Variants in ATRX observed in about 807,000 individuals in gnomAD.
ATRX encodes chromatin remodeler ATRX.
A neutral mutation model predicts 172.6 loss-of-function variants in ATRX; 12 were observed. The observed-to-expected ratio is 0.07, with a 90% CI of 0.04 to 0.11. The LOEUF (loss-of-function observed/expected upper bound fraction) is 0.11, where lower values mean the gene tolerates loss of function less well. ATRX is among the 10% of genes least tolerant of loss of function. The pLI is 1.00. For synonymous variants in ATRX, 674 were observed against 594.7 expected (o/e 1.13, Z -1.94); for missense variants, 1,368 against 1,767.4 (o/e 0.77, Z 4.05).
At chrX:77,529,497 C>T (rs1259008777) in intron 30 of ATRX, among the ~76,000 whole-genome samples, 6 of 111,069 alleles carry the variant, frequency 5.4e-5, no homozygotes, top group African/African-American at 1.6e-4. Flanking sequence ...GATTAGGGGC[C>T]AATATTCAAC....
At chrX:77,784,736 T>C (rs2076676413) in intron 1 of ATRX, among the ~76,000 whole-genome samples, 1 of 111,891 alleles carries the variant, frequency 8.9e-6, no homozygotes, top group African/African-American at 3.2e-5. Context: ...GAAAATATAA[T>C]CTACTGCTTG....
intron 10 of ATRX, among the ~76,000 whole-genome samples, chrX:77,670,336 C>A (rs1165013990): frequency 9.0e-6 from 1 of 111,442 alleles, no homozygotes; most frequent in African/African-American, 3.3e-5. Flanking sequence ...AAGCATCACA[C>A]CATATTTTAA....
intron 7 of ATRX, among the ~76,000 whole-genome samples, chrX:77,687,749 G>A (rs1557144770): frequency 8.9e-6 from 1 of 111,982 alleles, no homozygotes; most frequent in African/African-American, 3.2e-5. Context: ...AAAGAACAAA[G>A]TACAGTTCAT....
At chrX:77,653,014 AAAAAAAAGAAAAAAAG>A (rs797028470) in intron 14 of ATRX, among the ~76,000 whole-genome samples, 23 of 109,236 alleles carry the variant, frequency 2.1e-4, no homozygotes, top group South Asian at 1.2e-3. Context: ...TAAAAAAAAA[AAAAAAAAGAAAAAAAG>A]AAAAAAAGAA....
chrX:77,615,914 G>A, intron 22 of ATRX: 1 of 734,366 alleles, frequency 1.4e-6, no homozygotes, highest in Non-Finnish European at 1.6e-6. Context: ...TTGGGGAAAG[G>A]TACCAGAATA....
Position 77,599,560 on chromosome X carries a change from T to G in ATRX, c.5807A>C (p.Lys1936Thr). The change falls in exon 25 of 35, where the codon AAG becomes ACG. Residue 1936 changes from lysine (K) to threonine (T), a missense_variant. Lys to Thr is a moderately conservative substitution (Grantham distance 78). Around this residue, in one of 17 missense-constraint regions of ATRX, gnomAD observed 17 missense variants for 17.7 expected, o/e 0.96. Coordinates refer to ENST00000373344, the MANE Select transcript of ATRX (RefSeq NM_000489.6). ...ACTTGAGCTACTATCTTTTTTCCCCTTTTTCCCTTTTTTCTTCTTTCTAAA... is the reference window on the plus strand; with the variant it reads ...ACTTGAGCTACTATCTTTTTTCCCCGTTTTCCCTTTTTTCTTCTTTCTAAA... Reference protein sequence around the residue: ...DYTKKKKKGKKGKKDSSSSGS... With the variant: ...DYTKKKKKGKTGKKDSSSSGS... The G allele has an allele frequency of 1.7e-6, 2 of 1,208,694 alleles. No individual in the cohort carries two copies. Among genetic ancestry groups the G allele is most frequent in the Non-Finnish European group, 2.2e-6 (2 of 894,132 alleles).
intron 1 of ATRX, among the ~76,000 whole-genome samples, chrX:77,722,467 C>T (rs2073824099): frequency 9.0e-6 from 1 of 111,144 alleles, no homozygotes; most frequent in African/African-American, 3.3e-5. Flanking sequence ...TATCCAGAAT[C>T]TACAAAGAAC....
intron 28 of ATRX, among the ~76,000 whole-genome samples, chrX:77,570,781 G>A (rs2065383077): frequency 9.0e-6 from 1 of 111,245 alleles, no homozygotes; most frequent in South Asian, 3.8e-4. Flanking sequence ...GCCATAAACT[G>A]GCAGGAAGTA....
At chrX:77,641,458 G>A (rs1354133486) in intron 15 of ATRX, among the ~76,000 whole-genome samples, 1 of 109,559 alleles carries the variant, frequency 9.1e-6, no homozygotes, top group Non-Finnish European at 1.9e-5. Flanking sequence ...GCACACGCCT[G>A]TAGTCCCAGC....
At chrX:77,722,062 C>G (rs1321165226) in intron 1 of ATRX, among the ~76,000 whole-genome samples, 1 of 111,701 alleles carries the variant, frequency 9.0e-6, no homozygotes, top group Non-Finnish European at 1.9e-5. Context: ...CTGACAAAAA[C>G]AAGCAATGGA....
intron 11 of ATRX, among the ~76,000 whole-genome samples, chrX:77,664,050 A>C (rs1259512916): frequency 9.2e-6 from 1 of 108,509 alleles, no homozygotes; most frequent in Non-Finnish European, 1.9e-5. Flanking sequence ...GCAGTGAGCC[A>C]AAATTGCGCT....
intron 1 of ATRX, among the ~76,000 whole-genome samples, chrX:77,757,922 G>A (rs1454186442): frequency 9.2e-6 from 1 of 108,562 alleles, no homozygotes; most frequent in Non-Finnish European, 1.9e-5. Flanking sequence ...CACCTGCCTC[G>A]GCCTCCCAAT....
intron 2 of ATRX, among the ~76,000 whole-genome samples, chrX:77,704,588 G>C: frequency 8.9e-6 from 1 of 112,080 alleles, no homozygotes; most frequent in Middle Eastern, 4.6e-3. Context: ...AGATGCAAGG[G>C]GGCACCTGCA....
At chrX:77,572,736 G>A (rs781918459) in intron 28 of ATRX, among the ~76,000 whole-genome samples, 1 of 111,456 alleles carries the variant, frequency 9.0e-6, no homozygotes, top group African/African-American at 3.2e-5. Flanking sequence ...GAAAAACACA[G>A]AATATAAAAA....
rs782637739 is a variant in ATRX at position 77,697,436 on chromosome X, A to G, written c.242+147T>C. The G allele has an allele frequency of 1.9e-4, 91 of 487,146 alleles. 1 individual carries two copies. The South Asian group carries it at 3.2e-3, about 17-fold the overall frequency. 40.1% of individuals were successfully genotyped at this position (487,146 alleles called of 1,213,427 possible). On this transcript the variant is annotated intron_variant, in intron 4 of 34. Transcript: ENST00000373344. ...TAGATACAAAGGGATTCATTATATTATGCTAATCATTTTCAAATATGTATA... is the reference window on the plus strand; with the variant it reads ...TAGATACAAAGGGATTCATTATATTGTGCTAATCATTTTCAAATATGTATA...
chrX:77,649,079 G>A (rs1557115385), intron 15 of ATRX, among the ~76,000 whole-genome samples: 3 of 110,453 alleles, frequency 2.7e-5, no homozygotes. Flanking sequence ...CAAGAGGATT[G>A]CTTGAGCCCA....
intron 2 of ATRX, among the ~76,000 whole-genome samples, chrX:77,702,967 T>A (rs188332707): frequency 8.9e-4 from 99 of 111,780 alleles, no homozygotes; most frequent in Admixed American, 1.5e-3. Context: ...CCTCAAGTAA[T>A]CCTCCCACCT....
intron 34 of ATRX, among the ~76,000 whole-genome samples, chrX:77,520,228 G>A (rs1271696136): frequency 9.0e-6 from 1 of 111,292 alleles, no homozygotes; most frequent in African/African-American, 3.3e-5. Flanking sequence ...GAATGAATAA[G>A]ATCTAGTATT....
At chrX:77,658,104 G>A (rs782686705) in intron 12 of ATRX, among the ~76,000 whole-genome samples, 1 of 111,015 alleles carries the variant, frequency 9.0e-6, no homozygotes, top group African/African-American at 3.3e-5. Flanking sequence ...CCAGCTACTT[G>A]GGAGGCTGAG....
Sources: gnomAD v4.1 joint callset for allele counts (sites outside exome capture counted in the v4.1 genomes callset) on GRCh38, gnomAD v4.1.1 for gene constraint, gnomAD v4.1.1 regional missense constraint, MANE v1.5 for transcripts, NCBI Gene and HGNC (gene_info 2026-07-23, HGNC 2026-07-21) for gene names.